The following PDS5B variants were observed in gnomAD, a reference collection of about 807,000 sequenced individuals.
PDS5B encodes the protein PDS5 cohesin associated factor B, also known as sister chromatid cohesion protein PDS5 homolog B.
Under a neutral mutation model 184.1 loss-of-function variants are expected in PDS5B, and 51 were observed. The ratio of observed to expected loss-of-function variants is 0.28; its 90% CI spans 0.22 to 0.35. The LOEUF (loss-of-function observed/expected upper bound fraction) is 0.35, where lower values mean the gene tolerates loss of function less well. Among genes scored for constraint, PDS5B ranks in the 10% least tolerant of loss-of-function variants. PDS5B has a pLI of 1.00. For synonymous variants in PDS5B, 566 were observed against 569.2 expected (o/e 0.99, Z 0.08); for missense variants, 1,180 against 1,723.3 (o/e 0.68, Z 5.58).
Position 32,770,273 on chromosome 13 carries a change from T to A in PDS5B, c.3777T>A (p.Ser1259=). ...AAAGAGGCCATACGGCTTCAGAATC[T>A]GATGAACAGCAGTGGCCTGAGGAAA... ...SRKRGHTASE[S]DEQQWPEEKR... The change falls in exon 32 of 35, where the codon TCT becomes TCA. Residue 1259 remains serine (S), a synonymous_variant. Coordinates refer to ENST00000315596, the MANE Select transcript of PDS5B (RefSeq NM_015032.4). 1 of 1,613,754 alleles carries A rather than the reference T, an allele frequency of 6.2e-7. No homozygotes were observed.
intron 3 of PDS5B, among the ~76,000 whole-genome samples, chr13:32,656,394 G>C (rs1003652840): frequency 6.7e-6 from 1 of 149,148 alleles, no homozygotes; most frequent in East Asian, 2.0e-4. Context: ...AGTTTGATAG[G>C]AATAGCATTT....
intron 1 of PDS5B, among the ~76,000 whole-genome samples, chr13:32,642,114 A>T (rs969052709): frequency 1.3e-5 from 2 of 152,162 alleles, no homozygotes; most frequent in African/African-American, 2.4e-5. Flanking sequence ...TTTTGTAGTC[A>T]TTGCCTACAG....
chr13:32,698,934 T>C (rs1593455179), intron 15 of PDS5B, among the ~76,000 whole-genome samples: 2 of 152,272 alleles, frequency 1.3e-5, no homozygotes, highest in African/African-American at 4.8e-5. Flanking sequence ...TGTATTCTTT[T>C]AGTAGAGACA....
intron 30 of PDS5B, among the ~76,000 whole-genome samples, chr13:32,761,676 T>A (rs149984537): frequency 6.6e-6 from 1 of 152,216 alleles, no homozygotes; most frequent in African/African-American, 2.4e-5. Flanking sequence ...ATGGTATATA[T>A]GAACTTCATT....
At chr13:32,696,832 C>A in intron 14 of PDS5B, 22 bp from the exon 15 acceptor site, 1 of 1,578,178 alleles carries the variant, frequency 6.3e-7, no homozygotes, top group Non-Finnish European at 8.7e-7. Context: ...TTTAATTTTG[C>A]ATTTTTTTGT....
intron 1 of PDS5B, among the ~76,000 whole-genome samples, chr13:32,636,439 T>C (rs548091122): frequency 4.9e-4 from 74 of 152,296 alleles, no homozygotes; most frequent in African/African-American, 1.8e-3. Context: ...CTCATGGAGC[T>C]TTTTTCATAT....
chr13:32,679,823 A>G (rs544085868), intron 10 of PDS5B, among the ~76,000 whole-genome samples: 59 of 150,432 alleles, frequency 3.9e-4, no homozygotes, highest in African/African-American at 1.4e-3. Flanking sequence ...TCTTCCTCCC[A>G]TCTTTGCTCT....
At chr13:32,640,015 T>G (rs1368112396) in intron 1 of PDS5B, among the ~76,000 whole-genome samples, 1 of 152,230 alleles carries the variant, frequency 6.6e-6, no homozygotes, top group Non-Finnish European at 1.5e-5. Flanking sequence ...GCTCTTGCTC[T>G]TTAGTCAGTA....
At chr13:32,610,746 G>A (rs1208390755) in intron 1 of PDS5B, among the ~76,000 whole-genome samples, 1 of 151,944 alleles carries the variant, frequency 6.6e-6, no homozygotes, top group African/African-American at 2.4e-5. Flanking sequence ...TCATCCTTGA[G>A]TGAATGATTT....
At chr13:32,685,259 A>G (rs752688403) in intron 11 of PDS5B, among the ~76,000 whole-genome samples, 16 of 152,226 alleles carry the variant, frequency 1.1e-4, no homozygotes, top group Non-Finnish European at 8.8e-5. Context: ...ATTTATTTTA[A>G]CCGATAAATT....
Position 32,770,392 on chromosome 13 carries a change from G to A in PDS5B, c.3896G>A (p.Gly1299Glu), listed in dbSNP as rs553065859. 1.2e-6 allele frequency: 2 copies of A among 1,613,314 alleles called. No homozygotes were observed. The highest frequency in any genetic ancestry group is 8.5e-7 in the Non-Finnish European group (1 of 1,179,912). ...KRGRPPKPLG[G>E]GTPKEEPTMK... Reference sequence around the variant, plus strand: ...GGCCGACCACCAAAACCTCTTGGTGGAGGTACACCAAAAGAAGAGCCAACA... The same window carrying A: ...GGCCGACCACCAAAACCTCTTGGTGAAGGTACACCAAAAGAAGAGCCAACA... The change falls in exon 32 of 35, where the codon GGA (glycine) becomes GAA (glutamate). Residue 1299 changes from glycine (G) to glutamate (E), a missense_variant. Around this residue, in one of 11 missense-constraint regions of PDS5B, gnomAD observed 465 missense variants for 497.8 expected, o/e 0.93. Coordinates refer to ENST00000315596, the MANE Select transcript of PDS5B (RefSeq NM_015032.4).
intron 27 of PDS5B, 61 bp downstream of exon 27, chr13:32,758,280 T>G: frequency 7.6e-7 from 1 of 1,308,124 alleles, no homozygotes; most frequent in South Asian, 1.6e-5. Context: ...AGGTGTAAAG[T>G]ATGAAACTTC....
chr13:32,708,635 A>G (rs1444094043), intron 18 of PDS5B, among the ~76,000 whole-genome samples: 2 of 152,184 alleles, frequency 1.3e-5, no homozygotes, highest in East Asian at 3.8e-4. Context: ...AATATAATAC[A>G]TTTTTAAAAG....
Position 32,701,450 on chromosome 13 carries a change from T to C in PDS5B, c.1856+12T>C, listed in dbSNP as rs1487684870. On this transcript the variant is annotated intron_variant, in intron 17 of 34. Coordinates refer to ENST00000315596, the MANE Select transcript of PDS5B (RefSeq NM_015032.4). ...ACCGAATCTATCAGGTATTTGTATA[T>C]AAAATACTAAGTTCTCATTGCTGTT... 4.1e-6 allele frequency: 6 copies of C among 1,457,158 alleles called. No individual in the cohort carries two copies. Among genetic ancestry groups the C allele is most frequent in the Non-Finnish European group, 2.9e-6 (3 of 1,045,416 alleles). The allele number at this position is 1,457,158 out of a possible 1,614,324, so 90.3% of individuals were successfully genotyped here.
At position 32,659,150 on chromosome 13, in the gene PDS5B, G is replaced by A; in HGVS notation, c.498-4G>A. On this transcript the variant is annotated splice_polypyrimidine_tract_variant and splice_region_variant and intron_variant, in intron 5 of 34. Transcript: ENST00000315596. The stretch of plus-strand genomic sequence containing the variant: ...ATTGAAACAAAATCTGTTTTGAATT[G>A]CAGCAATGGCCACAATCAGAAAGTC... The A allele has an allele frequency of 6.5e-7, 1 of 1,527,708 alleles. No individual in the cohort carries two copies. Among genetic ancestry groups the A allele is most frequent in the Non-Finnish European group, 8.9e-7 (1 of 1,126,150 alleles). 94.6% of individuals were successfully genotyped at this position (1,527,708 alleles called of 1,614,324 possible). A position where few individuals can be genotyped will look rare whatever the true frequency, so the allele number is the denominator to read the frequency against.
chr13:32,734,054 G>A (rs1406717760), intron 20 of PDS5B, among the ~76,000 whole-genome samples: 1 of 145,090 alleles, frequency 6.9e-6, no homozygotes, highest in Non-Finnish European at 1.5e-5. Context: ...CTGAGATAGA[G>A]TCTTGCTCTG....
intron 1 of PDS5B, among the ~76,000 whole-genome samples, chr13:32,621,777 A>G (rs944800012): frequency 4.6e-5 from 7 of 152,208 alleles, no homozygotes; most frequent in Non-Finnish European, 8.8e-5. Flanking sequence ...TTTTCTAAAT[A>G]AAATCTTGCT....
At chr13:32,586,628 C>G (rs1207362509) in intron 1 of PDS5B, 35 bp downstream of exon 1, 2 of 151,824 alleles carry the variant, frequency 1.3e-5, no homozygotes, top group Non-Finnish European at 2.9e-5. Flanking sequence ...AAGAAAATGT[C>G]TCTCTTCTCT....
At chr13:32,738,693 A>C (rs534775835) in intron 21 of PDS5B, among the ~76,000 whole-genome samples, 1 of 150,664 alleles carries the variant, frequency 6.6e-6, no homozygotes, top group Non-Finnish European at 1.5e-5. Context: ...TCTTTTTGAG[A>C]TGGAGTCTCA....
Sources: allele counts gnomAD v4.1 joint callset (sites outside exome capture counted in the v4.1 genomes callset), GRCh38; gene constraint gnomAD v4.1.1; regional missense constraint gnomAD v4.1.1; transcripts MANE v1.5; gene names NCBI Gene and HGNC (gene_info 2026-07-23, HGNC 2026-07-21).